HS6ST3: variants seen among roughly 807,000 people sequenced by gnomAD.
The protein encoded by HS6ST3 is heparan sulfate 6-O-sulfotransferase 3, also known as heparan-sulfate 6-O-sulfotransferase 3.
HS6ST3 carries 12 observed loss-of-function variants against 36.7 expected under a neutral mutation model. The observed-to-expected ratio is 0.33, with a 90% CI of 0.21 to 0.53. The LOEUF (loss-of-function observed/expected upper bound fraction) is 0.53, where lower values mean the gene tolerates loss of function less well. HS6ST3 is among the 20% of genes least tolerant of loss of function. The probability of loss-of-function intolerance (pLI) is 0.95; values close to 1 mark genes in which losing one functional copy is unlikely to be tolerated. For missense variants in HS6ST3, 584 were observed against 640.9 expected (o/e 0.91, Z 0.96); for synonymous variants, 240 against 257.5 (o/e 0.93, Z 0.65).
At chr13:96,284,557 C>T (rs1048543079) in intron 1 of HS6ST3, among the ~76,000 whole-genome samples, 2 of 152,124 alleles carry the variant, frequency 1.3e-5, no homozygotes, top group Admixed American at 1.3e-4. Flanking sequence ...TTAGGTTGTG[C>T]CCACTCAGAT....
In HS6ST3 at chr13:96,464,138, C is replaced by CAAAAAAAAAAAAA. The variant is rs67305199; in HGVS notation, c.708-368341_708-368329dup. Among the ~76,000 whole-genome samples, 6 of 38,782 alleles carry CAAAAAAAAAAAAA rather than the reference C, an allele frequency of 1.5e-4. 1 individual carries two copies. The highest frequency in any genetic ancestry group is 1.5e-4 in the Non-Finnish European group (3 of 19,900). 25.4% of individuals were successfully genotyped at this position (38,782 alleles called of 152,430 possible). Reference sequence around the variant, plus strand: ...TCCTCAGGAAAGGACTGTCAGGCCTCAAAAAAAAAAAAAAAAAAAAAAATC... The same window carrying CAAAAAAAAAAAAA: ...TCCTCAGGAAAGGACTGTCAGGCCTCAAAAAAAAAAAAAAAAAAAAAAAAAAAAAAAAAAAATC... On this transcript the variant is annotated intron_variant, in intron 1 of 1. Coordinates refer to ENST00000376705, the MANE Select transcript of HS6ST3 (RefSeq NM_153456.4).
chr13:96,254,010 G>A (rs1341558389), intron 1 of HS6ST3, among the ~76,000 whole-genome samples: 1 of 152,172 alleles, frequency 6.6e-6, no homozygotes. Context: ...TGTAGAAAGT[G>A]AAAAGGGTAA....
In HS6ST3 at chr13:96,681,380, G is replaced by C. The variant is rs573093101; in HGVS notation, c.708-151110G>C. On this transcript the variant is annotated intron_variant, in intron 1 of 1. Transcript: ENST00000376705. ...TCCATTCCAGTTTCCTCAGTTACAGGCTCTCTTGATCTCTTAGCTTATGTC... is the reference window on the plus strand; with the variant it reads ...TCCATTCCAGTTTCCTCAGTTACAGCCTCTCTTGATCTCTTAGCTTATGTC... 3.9e-5 allele frequency among the ~76,000 whole-genome samples: 6 copies of C among 151,942 alleles called. No homozygotes were observed. In the South Asian group the frequency reaches 1.0e-3, roughly 26 times the overall value.
intron 1 of HS6ST3, among the ~76,000 whole-genome samples, chr13:96,420,944 A>G (rs1302310078): frequency 1.3e-5 from 2 of 152,116 alleles, no homozygotes; most frequent in South Asian, 2.1e-4. Context: ...TTCCTACTCC[A>G]TTACCACCTT....
At chr13:96,625,133 G>A (rs551575421) in intron 1 of HS6ST3, among the ~76,000 whole-genome samples, 67 of 152,270 alleles carry the variant, frequency 4.4e-4, no homozygotes, top group Non-Finnish European at 8.1e-4. Flanking sequence ...TTTTAATTAC[G>A]TGTGAATTAA....
At chr13:96,644,327 G>C (rs566203173) in intron 1 of HS6ST3, among the ~76,000 whole-genome samples, 2 of 151,896 alleles carry the variant, frequency 1.3e-5, no homozygotes, top group East Asian at 3.9e-4. Flanking sequence ...ATATAGATTC[G>C]GGGTCATATG....
At chr13:96,821,448 T>G (rs1393189031) in intron 1 of HS6ST3, among the ~76,000 whole-genome samples, 2 of 152,240 alleles carry the variant, frequency 1.3e-5, no homozygotes, top group African/African-American at 2.4e-5. Flanking sequence ...CTGCCAAAAC[T>G]ATTATCACTC....
At chr13:96,706,897 C>T (rs9634493) in intron 1 of HS6ST3, among the ~76,000 whole-genome samples, 5,644 of 152,072 alleles carry the variant, frequency 0.037, 329 homozygotes, top group East Asian at 0.29. Context: ...TGAGATCTTG[C>T]CTTAACAGCA....
chr13:96,307,906 GT>G (rs1478039453), intron 1 of HS6ST3, among the ~76,000 whole-genome samples: 8 of 152,042 alleles, frequency 5.3e-5, no homozygotes, highest in Non-Finnish European at 1.0e-4. Context: ...TTTGACTTTA[GT>G]TTTTGCATAA....
intron 1 of HS6ST3, among the ~76,000 whole-genome samples, chr13:96,450,229 G>C (rs1394580012): frequency 6.6e-6 from 1 of 152,032 alleles, no homozygotes; most frequent in African/African-American, 2.4e-5. Context: ...TTTTTTGGGG[G>C]GATATACAAT....
At chr13:96,283,952 T>C (rs1267070797) in intron 1 of HS6ST3, among the ~76,000 whole-genome samples, 2 of 152,132 alleles carry the variant, frequency 1.3e-5, no homozygotes, top group Admixed American at 6.5e-5. Context: ...TGAATAAGTG[T>C]TGTCTTACTC....
At chr13:96,800,199 A>G (rs1878034117) in intron 1 of HS6ST3, among the ~76,000 whole-genome samples, 1 of 151,010 alleles carries the variant, frequency 6.6e-6, no homozygotes, top group African/African-American at 2.4e-5. Context: ...ATATATAGGT[A>G]GGGAAAAAAT....
At chr13:96,495,783 C>T (rs2055971871) in intron 1 of HS6ST3, among the ~76,000 whole-genome samples, 1 of 152,104 alleles carries the variant, frequency 6.6e-6, no homozygotes, top group Non-Finnish European at 1.5e-5. Context: ...CTTTGCAAAC[C>T]ACTAATACTA....
intron 1 of HS6ST3, among the ~76,000 whole-genome samples, chr13:96,665,033 A>G (rs994314831): frequency 6.6e-6 from 1 of 152,060 alleles, no homozygotes; most frequent in East Asian, 1.9e-4. Context: ...TTTGCTGGGC[A>G]TGGTGGTGTA....
intron 1 of HS6ST3, among the ~76,000 whole-genome samples, chr13:96,321,865 C>G (rs2055004600): frequency 6.6e-6 from 1 of 152,170 alleles, no homozygotes; most frequent in South Asian, 2.1e-4. Context: ...CCATGAATCT[C>G]AAATGAGCTT....
At position 96,346,492 on chromosome 13, in the gene HS6ST3, G is replaced by A. The variant is rs1434446898; in HGVS notation, c.707+254923G>A. Among the ~76,000 whole-genome samples the A allele has an allele frequency of 3.3e-5, 5 of 151,532 alleles. No homozygotes were observed. In the South Asian group the frequency reaches 6.2e-4, roughly 19 times the overall value. On this transcript the variant is annotated intron_variant, in intron 1 of 1. Transcript: ENST00000376705. ...TGGGAGGCTGAGGCAGGAGAATGGC[G>A]TGAACCCGGGAGGCGGAGCTTGCAG...
chr13:96,398,915 G>A (rs969855107), intron 1 of HS6ST3, among the ~76,000 whole-genome samples: 3 of 152,208 alleles, frequency 2.0e-5, no homozygotes, highest in Admixed American at 6.5e-5. Context: ...GAGACCTCAG[G>A]AACTGCATGT....
chr13:96,293,949 A>G lies in HS6ST3; in HGVS notation c.707+202380A>G, dbSNP rs544302281. ...GCATTTTCAAGAGTCTCACAGTTGC[A>G]TGGTGGTGGCAGTATCTTTAAATTG... On this transcript the variant is annotated intron_variant, in intron 1 of 1. Coordinates refer to ENST00000376705, the MANE Select transcript of HS6ST3 (RefSeq NM_153456.4). Among the ~76,000 whole-genome samples the G allele has an allele frequency of 8.9e-4, 136 of 152,262 alleles. 1 individual carries two copies. The highest frequency in any genetic ancestry group is 3.1e-3 in the African/African-American group (127 of 41,574).
intron 1 of HS6ST3, among the ~76,000 whole-genome samples, chr13:96,325,807 G>A (rs1297622737): frequency 2.0e-5 from 3 of 152,176 alleles, no homozygotes; most frequent in East Asian, 1.9e-4. Flanking sequence ...AAGTTTTTAA[G>A]ATATTGTGAA....
Sources: allele counts gnomAD v4.1 joint callset (sites outside exome capture counted in the v4.1 genomes callset), GRCh38; gene constraint gnomAD v4.1.1; transcripts MANE v1.5; gene names NCBI Gene and HGNC (gene_info 2026-07-23, HGNC 2026-07-21).